ABR: variants seen among roughly 807,000 people sequenced by gnomAD.
ABR encodes active breakpoint cluster region-related protein.
In ABR, 35 loss-of-function variants were observed where a neutral mutation model predicts 107.2. The ratio of observed to expected loss-of-function variants is 0.33; its 90% CI spans 0.25 to 0.43. The LOEUF (loss-of-function observed/expected upper bound fraction) is 0.43. Ranked by LOEUF, ABR falls within the 20% of genes least tolerant of loss-of-function variation. The pLI is 1.00. For synonymous variants in ABR, 498 were observed against 462.0 expected (o/e 1.08, Z -1.00); for missense variants, 815 against 1,115.2 (o/e 0.73, Z 3.83).
At chr17:1,169,658 G>A (rs927971643) in intron 1 of ABR, among the ~76,000 whole-genome samples, 4 of 152,164 alleles carry the variant, frequency 2.6e-5, no homozygotes, top group South Asian at 2.1e-4. Context: ...GGTCTGCCCC[G>A]TCATTAACAT....
In ABR at chr17:1,007,371, A is replaced by G. The variant is rs1333687670; in HGVS notation, c.2343-59T>C. 1.3e-5 allele frequency: 21 copies of G among 1,602,426 alleles called. No homozygotes were observed. The African/African-American group carries it at 2.7e-4, about 20-fold the overall frequency. ...TTCCTCAGCAGCCACTCGGAGCTCCAGGACCCTTGGCCTTCGCTGTGGGAA... is the reference window on the plus strand; with the variant it reads ...TTCCTCAGCAGCCACTCGGAGCTCCGGGACCCTTGGCCTTCGCTGTGGGAA... On this transcript the variant is annotated intron_variant, in intron 21 of 22. Coordinates refer to ENST00000302538, the MANE Select transcript of ABR (RefSeq NM_021962.5).
intron 1 of ABR, among the ~76,000 whole-genome samples, chr17:1,222,358 C>T (rs1452137739): frequency 2.0e-5 from 3 of 152,090 alleles, no homozygotes; most frequent in East Asian, 1.9e-4. Flanking sequence ...CGTGAGCCAC[C>T]GCGCCCGGCC....
chr17:1,063,197 G>A (rs1217786464), intron 10 of ABR, among the ~76,000 whole-genome samples: 1 of 99,106 alleles, frequency 1.0e-5, no homozygotes, highest in African/African-American at 4.1e-5. Flanking sequence ...TGAGGGCTAT[G>A]CATGTTCCTC....
intron 1 of ABR, among the ~76,000 whole-genome samples, chr17:1,226,562 AG>A (rs2043220908): frequency 6.8e-6 from 1 of 147,620 alleles, no homozygotes; most frequent in Admixed American, 6.8e-5. Context: ...GCAGGTGTGC[AG>A]GTATGTGTGT....
chr17:1,134,002 C>T (rs7405965), intron 1 of ABR, among the ~76,000 whole-genome samples: 67,075 of 152,110 alleles, frequency 0.44, 15,550 homozygotes, highest in East Asian at 0.55. Context: ...GAACAGAGGC[C>T]GGGCGCGTGG....
intron 1 of ABR, among the ~76,000 whole-genome samples, chr17:1,173,260 C>T (rs2041803984): frequency 7.2e-6 from 1 of 139,858 alleles, no homozygotes; most frequent in Non-Finnish European, 1.6e-5. Context: ...TCACCTCAGC[C>T]CACCCAACAC....
At chr17:1,178,529 A>G (rs1459794299) in intron 1 of ABR, among the ~76,000 whole-genome samples, 3 of 150,222 alleles carry the variant, frequency 2.0e-5, no homozygotes, top group Non-Finnish European at 1.5e-5. Flanking sequence ...GCGCCACTGC[A>G]CTCCAGCCTG....
chr17:1,047,352 G>A (rs940991358), intron 16 of ABR, among the ~76,000 whole-genome samples: 3 of 152,264 alleles, frequency 2.0e-5, no homozygotes, highest in African/African-American at 7.2e-5. Context: ...TGGCTCCGTG[G>A]GGCCCGGGTT....
chr17:1,010,717 T>C lies in ABR; in HGVS notation c.2236+12A>G, dbSNP rs770759081. 1.9e-6 allele frequency: 3 copies of C among 1,613,084 alleles called. No homozygotes were observed. The South Asian group carries it at 3.3e-5, about 18-fold the overall frequency. Reference sequence around the variant, plus strand: ...TGGCCCAGCCCAGTCCTAGGAGCCCTCAGGGCCTCACCGATGCCCTCCATG... The same window carrying C: ...TGGCCCAGCCCAGTCCTAGGAGCCCCCAGGGCCTCACCGATGCCCTCCATG... On this transcript the variant is annotated intron_variant, in intron 20 of 22. Transcript: ENST00000302538. This position sits in a 1 kb window ranked among gnomAD's most constrained non-coding sequence, Gnocchi z 4.1.
At chr17:1,038,245 C>G (rs542895526) in intron 16 of ABR, among the ~76,000 whole-genome samples, 1 of 152,268 alleles carries the variant, frequency 6.6e-6, no homozygotes, top group Admixed American at 6.5e-5. Context: ...AGGTTCCCAG[C>G]AGCTCCTAGA....
intron 1 of ABR, among the ~76,000 whole-genome samples, chr17:1,223,379 CTT>C (rs2150764849): frequency 6.6e-6 from 1 of 151,946 alleles, no homozygotes; most frequent in Non-Finnish European, 1.5e-5. Flanking sequence ...CTGCTACACT[CTT>C]TAATTATTCT....
chr17:1,036,792 A>T (rs1235292187), intron 16 of ABR, among the ~76,000 whole-genome samples: 1 of 151,970 alleles, frequency 6.6e-6, no homozygotes. Context: ...ACCGACCCTA[A>T]CCAAAACCTG....
chr17:1,184,034 A>G (rs1289550935), upstream of ABR, among the ~76,000 whole-genome samples: 3 of 151,720 alleles, frequency 2.0e-5, no homozygotes, highest in African/African-American at 7.3e-5. Context: ...AGCATGGTGA[A>G]ACCCCGTCTC....
intron 16 of ABR, among the ~76,000 whole-genome samples, chr17:1,025,548 C>T (rs1040483338): frequency 1.3e-5 from 2 of 152,200 alleles, no homozygotes; most frequent in African/African-American, 4.8e-5. Flanking sequence ...CCTGACCCCA[C>T]GTAACGCCCC....
rs541748314 is a variant in ABR at position 1,224,218 on chromosome 17, C to T, written c.838+4575G>A. On this transcript the variant is annotated intron_variant, in intron 1 of 22. Coordinates refer to the ABR transcript ENST00000574139. ...CTCTGCCCGTCCCCTCACTCCTCAC[C>T]ACACCAACACGGCCTGGTCTTTGTC... is the stretch of plus-strand genomic sequence containing the variant. 1.1e-3 allele frequency among the ~76,000 whole-genome samples: 162 copies of T among 152,166 alleles called. 2 individuals carry two copies. Among genetic ancestry groups the T allele is most frequent in the African/African-American group, 3.6e-3 (151 of 41,494 alleles).
intron 6 of ABR, among the ~76,000 whole-genome samples, chr17:1,073,900 G>C (rs568368036): frequency 6.6e-6 from 1 of 151,992 alleles, no homozygotes; most frequent in African/African-American, 2.4e-5. Flanking sequence ...TGCTCCCTCC[G>C]CAGCCCTGCC....
rs978036569 is a variant in ABR at position 1,210,583 on chromosome 17, C to G, written c.838+18210G>C. Among the ~76,000 whole-genome samples the G allele has an allele frequency of 5.9e-5, 9 of 152,068 alleles. No homozygotes were observed. The highest frequency in any genetic ancestry group is 1.3e-4 in the Non-Finnish European group (9 of 67,982). On this transcript the variant is annotated intron_variant, in intron 1 of 22. Transcript: ENST00000574139. This position sits in a 1 kb window ranked among gnomAD's most constrained non-coding sequence, Gnocchi z 5.6. Reference sequence around the variant, plus strand: ...CTATCGTCCAGGTGTCACTCAGCTTCTCTGCACTATCGTCCAGGTGTCACT... The same window carrying G: ...CTATCGTCCAGGTGTCACTCAGCTTGTCTGCACTATCGTCCAGGTGTCACT...
intron 1 of ABR, among the ~76,000 whole-genome samples, chr17:1,217,338 G>T (rs964059920): frequency 2.0e-5 from 3 of 152,058 alleles, no homozygotes; most frequent in African/African-American, 7.2e-5. Context: ...TTCAATTAAG[G>T]TTATGACCAG....
intron 2 of ABR, chr17:1,101,138 AT>A (rs58162752): frequency 5.7e-5 from 10 of 175,894 alleles, no homozygotes; most frequent in Admixed American, 2.8e-4. Context: ...TGCCAGACTA[AT>A]TTTTTTTGTA....
Sources: gnomAD v4.1 joint callset for allele counts (sites outside exome capture counted in the v4.1 genomes callset) on GRCh38, gnomAD v4.1.1 for gene constraint, Gnocchi (gnomAD v3.1) non-coding constraint, MANE v1.5 for transcripts, NCBI Gene and HGNC (gene_info 2026-07-23, HGNC 2026-07-21) for gene names.